ARL15: variants seen among roughly 807,000 people sequenced by gnomAD.
ARL15 encodes the protein ADP-ribosylation factor-like protein 15.
ARL15 carries 19 observed loss-of-function variants against 25.2 expected under a neutral mutation model. The observed-to-expected ratio is 0.75, with a 90% CI of 0.53 to 1.10. The LOEUF (loss-of-function observed/expected upper bound fraction) is 1.10, where lower values mean the gene tolerates loss of function less well. Among genes scored for constraint, ARL15 ranks in the 50% least tolerant of loss-of-function variants. The probability of loss-of-function intolerance (pLI) is 0.00; values close to 1 mark genes in which losing one functional copy is unlikely to be tolerated. For missense variants in ARL15, 220 were observed against 246.0 expected, an observed-to-expected ratio of 0.89 and a Z score of 0.71; for synonymous variants, 94 against 86.8, an observed-to-expected ratio of 1.08 and a Z score of -0.46.
At chr5:54,297,642 C>G (rs113323925) in intron 1 of ARL15, among the ~76,000 whole-genome samples, 11 of 152,300 alleles carry the variant, frequency 7.2e-5, no homozygotes, top group African/African-American at 2.6e-4. Context: ...CTTGGAGAGT[C>G]TACCTCTGAC....
chr5:54,174,075 C>T (rs1754794865), intron 1 of ARL15, among the ~76,000 whole-genome samples: 2 of 152,154 alleles, frequency 1.3e-5, no homozygotes, highest in Non-Finnish European at 2.9e-5. Context: ...CAGACAATTG[C>T]AGTTTCTTAT....
At chr5:53,917,027 G>C (rs1745673911) in intron 4 of ARL15, among the ~76,000 whole-genome samples, 1 of 152,150 alleles carries the variant, frequency 6.6e-6, no homozygotes, top group Non-Finnish European at 1.5e-5. Flanking sequence ...GAAGACAACA[G>C]TTTTCATTTT....
intron 4 of ARL15, among the ~76,000 whole-genome samples, chr5:53,941,993 C>G (rs920217838): frequency 3.9e-5 from 6 of 152,068 alleles, no homozygotes; most frequent in African/African-American, 1.4e-4. Flanking sequence ...TTTAAAAAAT[C>G]CATGTAAAGA....
At chr5:54,082,534 T>A (rs156381) in intron 4 of ARL15, among the ~76,000 whole-genome samples, 1 of 152,086 alleles carries the variant, frequency 6.6e-6, no homozygotes, top group South Asian at 2.1e-4. Context: ...TGAAAAAGTA[T>A]CTCTTGTGAC....
intron 1 of ARL15, among the ~76,000 whole-genome samples, chr5:54,267,392 G>T (rs1056426359): frequency 2.6e-4 from 39 of 152,096 alleles, no homozygotes; most frequent in African/African-American, 8.5e-4. Flanking sequence ...CGCCTGGCCA[G>T]AGCTCTGTTT....
intron 4 of ARL15, among the ~76,000 whole-genome samples, chr5:53,888,453 A>T (rs985756945): frequency 3.3e-5 from 5 of 151,766 alleles, no homozygotes; most frequent in Admixed American, 6.6e-5. Flanking sequence ...GCTAATTTTT[A>T]AAAAATCTTC....
chr5:54,116,937 A>G (rs1752916986), intron 3 of ARL15, among the ~76,000 whole-genome samples: 5 of 152,206 alleles, frequency 3.3e-5, no homozygotes, highest in Non-Finnish European at 1.5e-5. Context: ...ATGGAACCCT[A>G]TTGGAACAAA....
At chr5:54,048,207 A>G (rs1020451752) in intron 4 of ARL15, 1 of 151,958 alleles carries the variant, frequency 6.6e-6, no homozygotes, top group Non-Finnish European at 1.5e-5. Context: ...CAAACACCCA[A>G]TGTGCATGAT....
intron 4 of ARL15, among the ~76,000 whole-genome samples, chr5:54,086,719 G>T (rs910565212): frequency 2.0e-5 from 3 of 152,052 alleles, no homozygotes; most frequent in Admixed American, 6.6e-5. Flanking sequence ...AGAAGCAAAA[G>T]AAATCAGAAT....
intron 4 of ARL15, among the ~76,000 whole-genome samples, chr5:54,050,442 C>A (rs556139489): frequency 7.2e-5 from 11 of 152,122 alleles, no homozygotes; most frequent in Non-Finnish European, 1.2e-4. Context: ...ACTATTAGAA[C>A]CAATACAGAA....
At chr5:53,989,049 T>A (rs555975122) in intron 4 of ARL15, among the ~76,000 whole-genome samples, 1 of 152,146 alleles carries the variant, frequency 6.6e-6, no homozygotes, top group African/African-American at 2.4e-5. Flanking sequence ...CTTGCAGATA[T>A]AACAGGATTT....
At chr5:54,153,266 G>A (rs1298314094) in intron 3 of ARL15, among the ~76,000 whole-genome samples, 3 of 152,060 alleles carry the variant, frequency 2.0e-5, no homozygotes, top group Non-Finnish European at 4.4e-5. Context: ...ATAGGAGAAA[G>A]ATTATTTTGT....
chr5:53,968,039 A>T (rs1035084392), intron 4 of ARL15, among the ~76,000 whole-genome samples: 1 of 152,218 alleles, frequency 6.6e-6, no homozygotes, highest in Admixed American at 6.5e-5. Flanking sequence ...AGACACAGAC[A>T]GTGTTTTCAA....
At chr5:54,171,958 T>C (rs1754732228) in intron 1 of ARL15, 30 bp from the exon 2 acceptor site, 1 of 1,601,810 alleles carries the variant, frequency 6.2e-7, no homozygotes, top group Non-Finnish European at 8.5e-7. Flanking sequence ...AAAATGTTCC[T>C]TTAAATGACA....
At chr5:54,151,479 T>C (rs1322104220) in intron 3 of ARL15, among the ~76,000 whole-genome samples, 3 of 152,122 alleles carry the variant, frequency 2.0e-5, no homozygotes, top group Non-Finnish European at 2.9e-5. Context: ...TCTCTGCCCA[T>C]AGGACCATGC....
Position 54,082,252 on chromosome 5 carries a change from A to G in ARL15, c.462+30950T>C, listed in dbSNP as rs191184532. ...CATCCTGACCCTTGAATGCAAATCA[A>G]ATACTACATCTTGTGCATAACAGGA... On this transcript the variant is annotated intron_variant, in intron 4 of 4. Transcript: ENST00000504924. 6.6e-3 allele frequency among the ~76,000 whole-genome samples: 1,003 copies of G among 152,300 alleles called. 6 individuals are homozygous for G. The highest frequency in any genetic ancestry group is 0.012 in the Non-Finnish European group (807 of 68,026).
At chr5:54,303,474 G>T (rs980049225) in intron 1 of ARL15, among the ~76,000 whole-genome samples, 1 of 152,022 alleles carries the variant, frequency 6.6e-6, no homozygotes, top group Admixed American at 6.5e-5. Context: ...TCAAGCCACT[G>T]CACTCCAGCT....
Position 54,277,620 on chromosome 5 carries a change from C to T in ARL15, c.48+32812G>A, listed in dbSNP as rs371763178. Reference sequence around the variant, plus strand: ...CAAAAAAATTAGCCGGGCGTGGTGGCGGGCGCCTGTAGTCCCAGCTACTCG... The same window carrying T: ...CAAAAAAATTAGCCGGGCGTGGTGGTGGGCGCCTGTAGTCCCAGCTACTCG... On this transcript the variant is annotated intron_variant, in intron 1 of 4. Coordinates refer to ENST00000504924, the MANE Select transcript of ARL15 (RefSeq NM_019087.3). Among the ~76,000 whole-genome samples, 10 of 152,138 alleles carry T rather than the reference C, an allele frequency of 6.6e-5. No homozygotes were observed. In the East Asian group the frequency reaches 7.8e-4, roughly 12 times the overall value.
chr5:54,102,888 G>C (rs934911838), intron 4 of ARL15, among the ~76,000 whole-genome samples: 1 of 152,082 alleles, frequency 6.6e-6, no homozygotes, highest in Non-Finnish European at 1.5e-5. Context: ...TTACTTAACA[G>C]TTCATATGTA....
Sources: gnomAD v4.1 joint callset for allele counts (sites outside exome capture counted in the v4.1 genomes callset) on GRCh38, gnomAD v4.1.1 for gene constraint, MANE v1.5 for transcripts, NCBI Gene and HGNC (gene_info 2026-07-23, HGNC 2026-07-21) for gene names.